AXDND1: variants seen among roughly 807,000 people sequenced by gnomAD.
AXDND1 encodes axonemal dynein light chain domain containing 1.
In AXDND1, 110 loss-of-function variants were observed where a neutral mutation model predicts 137.5. The observed-to-expected ratio is 0.80, with a 90% CI of 0.69 to 0.94. The LOEUF is 0.94. AXDND1 is among the 40% of genes least tolerant of loss of function. AXDND1 has a pLI of 0.00. For missense variants in AXDND1, 1,191 were observed against 1,169.8 expected, an observed-to-expected ratio of 1.02 and a Z score of -0.26; for synonymous variants, 414 against 399.7, an observed-to-expected ratio of 1.04 and a Z score of -0.43.
rs5779031 is a variant in AXDND1, at chr1:179,525,477, C to CTACATACA, written c.2610+53_2610+60dup. 217 of 1,473,764 alleles carry CTACATACA rather than the reference C, an allele frequency of 1.5e-4. 1 individual carries two copies. In the Middle Eastern group the frequency reaches 1.6e-3, roughly 11 times the overall value. 91.3% of individuals were successfully genotyped at this position (1,473,764 alleles called of 1,614,324 possible). On this transcript the variant is annotated intron_variant, in intron 22 of 25. Transcript: ENST00000367618. ...GATTATTTGGTATTTGTTTTTCCTC[C>CTACATACA]TACATACATACATACATACATACAT...
intron 21 of AXDND1, among the ~76,000 whole-genome samples, chr1:179,517,745 A>G (rs1052058801): frequency 6.6e-6 from 1 of 152,220 alleles, no homozygotes; most frequent in Non-Finnish European, 1.5e-5. Context: ...TGTGTTTGGG[A>G]GTGGAGGGTC....
In AXDND1 at chr1:179,419,600, C is replaced by T. The variant is rs564050481; in HGVS notation, c.1230+8334C>T. ...CTTCAGCTCGGCATCAGAGGGAGAC[C>T]GTGGAAAGAGAGGGAGAGGGAGATG... is the stretch of plus-strand genomic sequence containing the variant. On this transcript the variant is annotated intron_variant, in intron 12 of 25. Transcript: ENST00000367618. Among the ~76,000 whole-genome samples the T allele has an allele frequency of 1.0e-3, 121 of 120,662 alleles. 1 individual carries two copies. The highest frequency in any genetic ancestry group is 3.6e-3 in the African/African-American group (116 of 32,066). The allele number at this position is 120,662 out of a possible 152,430, so 79.2% of individuals were successfully genotyped here. A position where few individuals can be genotyped will look rare whatever the true frequency, so the allele number is the denominator to read the frequency against.
At chr1:179,533,377 A>G (rs1049463119) in intron 23 of AXDND1, among the ~76,000 whole-genome samples, 4 of 152,216 alleles carry the variant, frequency 2.6e-5, no homozygotes, top group Admixed American at 6.5e-5. Flanking sequence ...TGGATTTTGC[A>G]ATGTTACATT....
chr1:179,548,320 A>G (rs1025889675), intron 25 of AXDND1, among the ~76,000 whole-genome samples: 1 of 152,230 alleles, frequency 6.6e-6, no homozygotes, highest in Admixed American at 6.5e-5. Context: ...GCATTATCTT[A>G]TTTAATCACA....
At chr1:179,466,764 G>T (rs36039316) in intron 16 of AXDND1, among the ~76,000 whole-genome samples, 1 of 151,944 alleles carries the variant, frequency 6.6e-6, no homozygotes, top group African/African-American at 2.4e-5. Flanking sequence ...GACATTGTGT[G>T]TGAAGAGTTT....
chr1:179,463,032 A>G (rs958429924), intron 16 of AXDND1, among the ~76,000 whole-genome samples: 5 of 152,066 alleles, frequency 3.3e-5, no homozygotes, highest in African/African-American at 1.2e-4. Context: ...TAGTCTTGCT[A>G]GCAGTCTATC....
At chr1:179,374,302 G>A (rs1441448867) in intron 4 of AXDND1, among the ~76,000 whole-genome samples, 2 of 152,084 alleles carry the variant, frequency 1.3e-5, no homozygotes, top group Non-Finnish European at 2.9e-5. Flanking sequence ...TTAGAATGGC[G>A]ATCATTCAAA....
chr1:179,449,493 A>C (rs1476844309), intron 16 of AXDND1: 1 of 155,928 alleles, frequency 6.4e-6, no homozygotes, highest in Non-Finnish European at 1.4e-5. Context: ...TGTTTTGGCT[A>C]TTCTGCATCT....
At chr1:179,432,512 A>C (rs370830569) in intron 15 of AXDND1, among the ~76,000 whole-genome samples, 170 bp downstream of exon 15, 68 of 151,380 alleles carry the variant, frequency 4.5e-4, no homozygotes, top group African/African-American at 1.6e-3. Flanking sequence ...TACAACTTCC[A>C]CCTCCTGAGT....
intron 25 of AXDND1, among the ~76,000 whole-genome samples, chr1:179,537,203 C>A (rs1182845548): frequency 6.6e-6 from 1 of 152,168 alleles, no homozygotes; most frequent in African/African-American, 2.4e-5. Flanking sequence ...CCCTTTATTT[C>A]TTTCTCTTGC....
At chr1:179,479,462 C>T (rs1193131821) in intron 17 of AXDND1, among the ~76,000 whole-genome samples, 6 of 110,452 alleles carry the variant, frequency 5.4e-5, no homozygotes, top group Non-Finnish European at 5.3e-5. Flanking sequence ...GCAACAAGAG[C>T]GAAACTCTGT....
chr1:179,436,928 A>G (rs920902893), intron 15 of AXDND1, among the ~76,000 whole-genome samples: 3 of 152,134 alleles, frequency 2.0e-5, no homozygotes, highest in Admixed American at 6.6e-5. Context: ...TTCTTTGAAT[A>G]TATATTTGCT....
chr1:179,445,339 A>AT, intron 16 of AXDND1, 135 bp downstream of exon 16: 1 of 620,932 alleles, frequency 1.6e-6, no homozygotes. Context: ...TAAGCAAAGC[A>AT]TTGAGCATCA....
intron 20 of AXDND1, among the ~76,000 whole-genome samples, chr1:179,493,216 A>T (rs1255883642): frequency 1.3e-5 from 2 of 152,052 alleles, no homozygotes; most frequent in Non-Finnish European, 2.9e-5. Context: ...AACACCAAAG[A>T]TTTTTTTTAT....
intron 11 of AXDND1, among the ~76,000 whole-genome samples, chr1:179,398,561 C>T (rs940184583): frequency 1.3e-5 from 2 of 152,170 alleles, no homozygotes; most frequent in African/African-American, 2.4e-5. Context: ...GTGGGTGTCA[C>T]CACAGAGTGG....
At chr1:179,415,162 T>C (rs1037170388) in intron 12 of AXDND1, among the ~76,000 whole-genome samples, 1 of 152,184 alleles carries the variant, frequency 6.6e-6, no homozygotes, top group Admixed American at 6.5e-5. Flanking sequence ...GCCAACATGG[T>C]GAAACCCCAT....
chr1:179,550,826 CAAAGGGGTCAGAGGACATACAGTG>C, intron 25 of AXDND1: 2 of 330,810 alleles, frequency 6.0e-6, no homozygotes, highest in Non-Finnish European at 1.2e-5. Flanking sequence ...GCAACCTTGC[CAAAGGGGTCAGAGGACATACAGTG>C]AAAGGGACAT....
chr1:179,378,091 T>C (rs1382980977), intron 4 of AXDND1, among the ~76,000 whole-genome samples: 4 of 152,032 alleles, frequency 2.6e-5, no homozygotes, highest in Non-Finnish European at 5.9e-5. Flanking sequence ...ATTGCTTGAA[T>C]CCGGGAGGTG....
chr1:179,509,267 T>C (rs768318482), intron 20 of AXDND1, 29 bp from the exon 21 acceptor site: 1 of 1,481,612 alleles, frequency 6.7e-7, no homozygotes, highest in Admixed American at 1.8e-5. Flanking sequence ...AGCTGGTTTT[T>C]CTGCTTGTAA....
Sources: allele counts gnomAD v4.1 joint callset (sites outside exome capture counted in the v4.1 genomes callset), GRCh38; gene constraint gnomAD v4.1.1; transcripts MANE v1.5; gene names NCBI Gene and HGNC (gene_info 2026-07-23, HGNC 2026-07-21).